Variants in PPP2R2B observed in about 807,000 individuals in gnomAD.
PPP2R2B encodes protein phosphatase 2 regulatory subunit Bbeta.
A neutral mutation model predicts 46.0 loss-of-function variants in PPP2R2B; 5 were observed. The ratio of observed to expected loss-of-function variants is 0.11; its 90% CI spans 0.06 to 0.23. The LOEUF is 0.23. PPP2R2B is among the 10% of genes least tolerant of loss of function. The pLI is 1.00. For synonymous variants in PPP2R2B, 215 were observed against 206.7 expected (o/e 1.04, Z -0.34); for missense variants, 367 against 575.0 (o/e 0.64, Z 3.70).
At chr5:146,999,708 CA>C (rs1357837324) in intron 1 of PPP2R2B, among the ~76,000 whole-genome samples, 3 of 152,148 alleles carry the variant, frequency 2.0e-5, no homozygotes, top group African/African-American at 7.2e-5. Flanking sequence ...TGGCATAGAA[CA>C]TGTTACTGAC....
intron 1 of PPP2R2B, among the ~76,000 whole-genome samples, chr5:146,954,756 A>ATATGTGTG (rs1554079878): frequency 9.5e-5 from 14 of 146,646 alleles, no homozygotes; most frequent in Admixed American, 4.1e-4. Context: ...ATGTGTATAT[A>ATATGTGTG]TGTGTGTGTG....
chr5:146,809,583 GC>G (rs1757398358), intron 2 of PPP2R2B, among the ~76,000 whole-genome samples: 1 of 152,164 alleles, frequency 6.6e-6, no homozygotes, highest in South Asian at 2.1e-4. Context: ...TGACGTATCA[GC>G]TAAAACTGGA....
chr5:146,697,786 T>A (rs1228888819), intron 4 of PPP2R2B, among the ~76,000 whole-genome samples, 193 bp downstream of exon 4: 1 of 152,184 alleles, frequency 6.6e-6, no homozygotes, highest in Non-Finnish European at 1.5e-5. Context: ...TTTAATATTT[T>A]AAAAAACAGT....
chr5:146,958,386 C>T (rs1752017520), intron 1 of PPP2R2B, among the ~76,000 whole-genome samples: 1 of 152,128 alleles, frequency 6.6e-6, no homozygotes, highest in South Asian at 2.1e-4. Context: ...CCTCCATGAG[C>T]ACTTTCTGGG....
At chr5:147,009,415 C>T (rs759418256) in intron 1 of PPP2R2B, among the ~76,000 whole-genome samples, 1 of 152,100 alleles carries the variant, frequency 6.6e-6, no homozygotes, top group South Asian at 2.1e-4. Flanking sequence ...GGGATACATA[C>T]TTAGATAATT....
At chr5:146,900,779 C>T (rs145826697) in intron 1 of PPP2R2B, among the ~76,000 whole-genome samples, 2 of 151,926 alleles carry the variant, frequency 1.3e-5, no homozygotes, top group African/African-American at 4.8e-5. Flanking sequence ...CTAATGCCCC[C>T]CTCTCCCCGT....
intron 8 of PPP2R2B, among the ~76,000 whole-genome samples, chr5:146,598,992 G>A (rs1771512365): frequency 6.6e-6 from 1 of 152,038 alleles, no homozygotes; most frequent in African/African-American, 2.4e-5. Context: ...ATATCTCAAG[G>A]AAAAAATGTA....
chr5:146,676,307 A>C (rs1009826487), intron 5 of PPP2R2B, among the ~76,000 whole-genome samples: 6 of 152,024 alleles, frequency 3.9e-5, no homozygotes, highest in Admixed American at 6.6e-5. Context: ...GCTCATGGGG[A>C]AAAAAGCGAG....
intron 2 of PPP2R2B, among the ~76,000 whole-genome samples, chr5:146,719,879 A>G (rs1780699893): frequency 6.6e-6 from 1 of 152,000 alleles, no homozygotes; most frequent in Admixed American, 6.6e-5. Context: ...AAGATTGGCA[A>G]CATCAAGCTG....
chr5:147,072,464 A>C (rs1193615632), intron 2 of PPP2R2B, among the ~76,000 whole-genome samples: 1 of 152,146 alleles, frequency 6.6e-6, no homozygotes, highest in Non-Finnish European at 1.5e-5. Flanking sequence ...GCTTGGTGTC[A>C]GGTTACTTTC....
intron 1 of PPP2R2B, among the ~76,000 whole-genome samples, chr5:147,038,681 C>T (rs562518378): frequency 1.1e-4 from 17 of 152,232 alleles, no homozygotes; most frequent in Non-Finnish European, 2.1e-4. Flanking sequence ...TGTTCATTAT[C>T]CCAGTTTATC....
At chr5:146,839,091 T>C (rs1008996126) in intron 2 of PPP2R2B, among the ~76,000 whole-genome samples, 11 of 152,228 alleles carry the variant, frequency 7.2e-5, no homozygotes, top group African/African-American at 2.4e-4. Flanking sequence ...GTTCTAATTG[T>C]GCCTTCCTAA....
rs191873511 is a variant in PPP2R2B at position 146,662,643 on chromosome 5, T to C, written c.448-11919A>G. ...ATAAATTACCCAGTCTGTGGTATTCTATTATACAAACACAAAATAGACTAA... is the reference window on the plus strand; with the variant it reads ...ATAAATTACCCAGTCTGTGGTATTCCATTATACAAACACAAAATAGACTAA... On this transcript the variant is annotated intron_variant, in intron 5 of 9. Coordinates refer to ENST00000394411, the MANE Select transcript of PPP2R2B (RefSeq NM_181675.4). 7.9e-4 allele frequency among the ~76,000 whole-genome samples: 120 copies of C among 152,320 alleles called. 1 individual carries two copies. The East Asian group carries it at 0.018, about 23-fold the overall frequency.
At chr5:146,800,917 T>TACACACACAC (rs148564633) in intron 2 of PPP2R2B, among the ~76,000 whole-genome samples, 1 of 145,338 alleles carries the variant, frequency 6.9e-6, no homozygotes, top group African/African-American at 2.5e-5. Flanking sequence ...TATGTGTACA[T>TACACACACAC]ACACACACAC....
intron 1 of PPP2R2B, among the ~76,000 whole-genome samples, chr5:146,977,596 A>T (rs1321450404): frequency 1.3e-5 from 2 of 151,550 alleles, no homozygotes; most frequent in African/African-American, 2.4e-5. Flanking sequence ...TCACTGTTCA[A>T]CTCCCACTTA....
intron 2 of PPP2R2B, among the ~76,000 whole-genome samples, chr5:146,871,899 A>G (rs1020620707): frequency 2.0e-5 from 3 of 152,236 alleles, no homozygotes; most frequent in Admixed American, 6.5e-5. Context: ...AGGTTAATGC[A>G]ACCATTCTCT....
intron 1 of PPP2R2B, among the ~76,000 whole-genome samples, chr5:147,038,097 C>A (rs1038056356): frequency 6.6e-6 from 1 of 152,130 alleles, no homozygotes. Flanking sequence ...CATTAGCAAA[C>A]CCACTTCCTG....
At chr5:146,995,697 A>G (rs980300952) in intron 1 of PPP2R2B, among the ~76,000 whole-genome samples, 1 of 152,178 alleles carries the variant, frequency 6.6e-6, no homozygotes, top group African/African-American at 2.4e-5. Context: ...TCTAGTGAGC[A>G]AGATAGTGAG....
intron 1 of PPP2R2B, among the ~76,000 whole-genome samples, chr5:146,888,163 T>A (rs1762388131): frequency 6.6e-6 from 1 of 151,956 alleles, no homozygotes; most frequent in Non-Finnish European, 1.5e-5. Flanking sequence ...AAGTCCACAG[T>A]CCCACAGCTC....
Sources: gnomAD v4.1 joint callset for allele counts (sites outside exome capture counted in the v4.1 genomes callset) on GRCh38, gnomAD v4.1.1 for gene constraint, MANE v1.5 for transcripts, NCBI Gene and HGNC (gene_info 2026-07-23, HGNC 2026-07-21) for gene names.